GSTM4: variants seen among roughly 807,000 people sequenced by gnomAD.
GSTM4 encodes GST class-mu 4.
GSTM4 carries 27 observed loss-of-function variants against 30.1 expected under a neutral mutation model. That is an observed-to-expected ratio of 0.90 (90% CI 0.66 to 1.24). The LOEUF (loss-of-function observed/expected upper bound fraction) is 1.24, where lower values mean the gene tolerates loss of function less well. GSTM4 is among the 50% of genes most tolerant of loss of function. The pLI, the probability that GSTM4 is intolerant of heterozygous loss-of-function variation, is 0.00. For synonymous variants in GSTM4, 94 were observed against 96.2 expected (o/e 0.98, Z 0.13); for missense variants, 238 against 272.1 (o/e 0.87, Z 0.88).
rs201734418 is a variant in GSTM4 at position 109,656,777 on chromosome 1, G to C, written c.102G>C (p.Thr34=). 2.8e-5 allele frequency: 45 copies of C among 1,613,908 alleles called. No homozygotes were observed. Among genetic ancestry groups the C allele is most frequent in the Non-Finnish European group, 3.4e-5 (40 of 1,179,784 alleles). ...TDSSYEEKKY[T]MGDAPDYDRS... is the part of the protein sequence containing the mutation. The stretch of plus-strand genomic sequence containing the variant: ...CAAGCTACGAGGAAAAGAAGTATAC[G>C]ATGGGGGACGGTAATGACACCCTTG... The change falls in exon 2 of 8, where the codon ACG becomes ACC. Residue 34 remains threonine, a synonymous_variant. Transcript: ENST00000369836.
rs752280887 is a variant in GSTM4 at position 109,659,067 on chromosome 1, T to C, written c.524T>C (p.Leu175Ser). Residue 175 changes from leucine (L) to serine (S), a missense_variant, in exon 7 of 8, where the codon TTG becomes TCG. Transcript: ENST00000369836. ...CACCGTATATTTGAGCCCAACTGCT[T>C]GGACGCCTTTCCAAATCTGAAGGAC... ...DLHRIFEPNC[L>S]DAFPNLKDFI... The C allele has an allele frequency of 6.8e-6, 11 of 1,614,108 alleles. No homozygotes were observed. The highest frequency in any genetic ancestry group is 2.2e-5 in the South Asian group (2 of 91,086).
intron 7 of GSTM4, chr1:109,659,680 C>G: frequency 2.8e-6 from 1 of 363,180 alleles, no homozygotes; most frequent in Non-Finnish European, 5.2e-6. Context: ...GTGGCCAGAG[C>G]TGGATTAGGG....
At chr1:109,659,191 C>G (rs1405554979) in intron 7 of GSTM4, 81 bp downstream of exon 7, 2 of 1,614,202 alleles carry the variant, frequency 1.2e-6, no homozygotes. Flanking sequence ...CCTGGAGCTA[C>G]ATAAAGAATA....
chr1:109,656,608 G>A, intron 1 of GSTM4, 104 bp from the exon 2 acceptor site: 1 of 748,656 alleles, frequency 1.3e-6, no homozygotes, highest in Non-Finnish European at 2.3e-6. Context: ...CGGGGTGGGG[G>A]GGGGGTGCAG....
Position 109,661,493 on chromosome 1 carries a change from C to T in GSTM4, c.*239C>T, listed in dbSNP as rs3204614. On this transcript the variant is annotated 3_prime_UTR_variant, in exon 8 of 8. Coordinates refer to ENST00000369836, the MANE Select transcript of GSTM4 (RefSeq NM_000850.5). Reference sequence around the variant, plus strand: ...CTTCATGAACATCCCCCTCCCAACACTACCCTTCCCTGCACTAAAGCCAGC... The same window carrying T: ...CTTCATGAACATCCCCCTCCCAACATTACCCTTCCCTGCACTAAAGCCAGC... The T allele has an allele frequency of 4.3e-4, 588 of 1,380,434 alleles. No individual in the cohort carries two copies. In the African/African-American group the frequency reaches 4.9e-3, roughly 12 times the overall value. The allele number at this position is 1,380,434 out of a possible 1,614,324, so 85.5% of individuals were successfully genotyped here. A position where few individuals can be genotyped will look rare whatever the true frequency, so the allele number is the denominator to read the frequency against.
intron 3 of GSTM4, 41 bp downstream of exon 3, chr1:109,657,320 C>A: frequency 6.2e-7 from 1 of 1,603,156 alleles, no homozygotes; most frequent in Non-Finnish European, 8.5e-7. Flanking sequence ...GAAAGTGCGA[C>A]GTGTCTCTGA....
In GSTM4 at chr1:109,656,286, G is replaced by A; in HGVS notation, c.-104G>A. On this transcript the variant is annotated 5_prime_UTR_variant, in exon 1 of 8. Transcript: ENST00000369836. ...CGGCGGGCGCAGCGGGGCCGAGGGG[G>A]CGGGTCTGGCGCTAGGTCCAGCCCC... 8.8e-7 allele frequency: 1 copy of A among 1,132,246 alleles called. No homozygotes were observed. Among genetic ancestry groups the A allele is most frequent in the South Asian group, 1.2e-5 (1 of 81,274 alleles). The allele number at this position is 1,132,246 out of a possible 1,614,324, so 70.1% of individuals were successfully genotyped here. A position where few individuals can be genotyped will look rare whatever the true frequency, so the allele number is the denominator to read the frequency against.
At position 109,656,759 on chromosome 1, in the gene GSTM4, C is replaced by T. The variant is rs200076614; in HGVS notation, c.84C>T (p.Tyr28=). Residue 28 remains tyrosine (Y), a synonymous_variant, in exon 2 of 8, where the codon TAC becomes TAT. Coordinates refer to ENST00000369836, the MANE Select transcript of GSTM4 (RefSeq NM_000850.5). The stretch of plus-strand genomic sequence containing the variant: ...TCCTGGAATACACAGACTCAAGCTA[C>T]GAGGAAAAGAAGTATACGATGGGGG... ...RLLLEYTDSS[Y]EEKKYTMGDA... The T allele has an allele frequency of 2.5e-4, 405 of 1,613,906 alleles. 1 individual carries two copies. The highest frequency in any genetic ancestry group is 3.2e-4 in the Non-Finnish European group (381 of 1,179,958).
At chr1:109,662,976 G>A (rs185639593), downstream of GSTM4, among the ~76,000 whole-genome samples, 679 of 152,188 alleles carry the variant, frequency 4.5e-3, 11 homozygotes, top group African/African-American at 0.016. Flanking sequence ...ATGAATAGAA[G>A]AATGAACAAA....
downstream of GSTM4, among the ~76,000 whole-genome samples, chr1:109,662,970 A>T (rs1652364587): frequency 6.6e-6 from 1 of 152,250 alleles, no homozygotes; most frequent in Non-Finnish European, 1.5e-5. Flanking sequence ...AATTCCATGA[A>T]TAGAAGAATG....
intron 5 of GSTM4, chr1:109,658,589 T>C: frequency 1.8e-6 from 1 of 563,302 alleles, no homozygotes; most frequent in South Asian, 2.2e-5. Context: ...GGGGACAGAT[T>C]CAGGGATAGT....
At chr1:109,657,422 G>A in intron 3 of GSTM4, 143 bp downstream of exon 3, 1 of 1,409,094 alleles carries the variant, frequency 7.1e-7, no homozygotes, top group Non-Finnish European at 1.0e-6. Context: ...GCCCCTGCAT[G>A]ATGTTCTGTG....
At chr1:109,657,523 A>C (rs1401012480) in intron 3 of GSTM4, 67 bp from the exon 4 acceptor site, 5 of 1,608,548 alleles carry the variant, frequency 3.1e-6, no homozygotes, top group Non-Finnish European at 4.3e-6. Context: ...CTGCCCTTGC[A>C]TATGGGAAGG....
At chr1:109,666,421 C>G (rs777483020), downstream of GSTM4, among the ~76,000 whole-genome samples, 1 of 152,198 alleles carries the variant, frequency 6.6e-6, no homozygotes, top group Non-Finnish European at 1.5e-5. Context: ...GAATAATGTG[C>G]TCAGAGCTGC....
At chr1:109,660,632 G>A (rs12090060) in intron 7 of GSTM4, 2,169 of 163,236 alleles carry the variant, frequency 0.013, 46 homozygotes, top group African/African-American at 0.05. Context: ...GCAAACCTAG[G>A]CAAGCCAGGT....
rs748947998 is a variant in GSTM4, at chr1:109,658,861, G to T, written c.408G>T (p.Gln136His). 1.2e-6 allele frequency: 2 copies of T among 1,614,156 alleles called. No individual in the cohort carries two copies. The highest frequency in any genetic ancestry group is 1.7e-6 in the Non-Finnish European group (2 of 1,179,968). Residue 136 changes from glutamine to histidine, a missense_variant, in exon 6 of 8, where the codon CAG becomes CAT. Physicochemically the swap from Gln to His is conservative, Grantham distance 24. Transcript: ENST00000369836. ...TGGAGGAACTTCCTACAATGATGCAGCACTTCTCACAGTTCCTGGGGAAGA... is the reference window on the plus strand; with the variant it reads ...TGGAGGAACTTCCTACAATGATGCATCACTTCTCACAGTTCCTGGGGAAGA... ...EYLEELPTMM[Q>H]HFSQFLGKRP...
intron 5 of GSTM4, chr1:109,658,150 C>T (rs1424982454): frequency 2.2e-6 from 1 of 458,976 alleles, no homozygotes; most frequent in East Asian, 4.1e-5. Context: ...TGCCACGGGC[C>T]ATCTAACCCA....
Position 109,657,809 on chromosome 1 carries a change from T to G in GSTM4, c.297T>G (p.Ile99Met). 6.2e-7 allele frequency: 1 copy of G among 1,614,092 alleles called. No homozygotes were observed. ...AAGAGGAGAAGATTCGTGTGGACATTTTGGAGAACCAGGCTATGGACGTCT... is the reference window on the plus strand; with the variant it reads ...AAGAGGAGAAGATTCGTGTGGACATGTTGGAGAACCAGGCTATGGACGTCT... The part of the protein sequence containing the change: ...ETEEEKIRVD[I>M]LENQAMDVSN... The change falls in exon 5 of 8, where the codon ATT (isoleucine) becomes ATG (methionine). Residue 99 changes from isoleucine to methionine, a missense_variant. Coordinates refer to ENST00000369836, the MANE Select transcript of GSTM4 (RefSeq NM_000850.5).
intron 5 of GSTM4, chr1:109,658,376 A>G (rs1193299024): frequency 2.8e-5 from 6 of 212,462 alleles, no homozygotes; most frequent in Admixed American, 1.6e-4. Flanking sequence ...CCTTCCATGC[A>G]GCCTCTCAAA....
Sources: allele counts gnomAD v4.1 joint callset (sites outside exome capture counted in the v4.1 genomes callset), GRCh38; gene constraint gnomAD v4.1.1; transcripts MANE v1.5; gene names NCBI Gene and HGNC (gene_info 2026-07-23, HGNC 2026-07-21).